The following FLG variants were observed in gnomAD, a reference collection of about 807,000 sequenced individuals.
FLG encodes filaggrin.
A neutral mutation model predicts 3.8 loss-of-function variants in FLG; 6 were observed. The ratio of observed to expected loss-of-function variants is 1.60; its 90% confidence interval spans 0.87 to 3.15. The LOEUF (loss-of-function observed/expected upper bound fraction) is 3.15. Ranked by LOEUF, FLG falls within the 30% of genes most tolerant of loss-of-function variation. The pLI is 0.00. For missense variants in FLG, 7,595 were observed against 5,050.9 expected, an observed-to-expected ratio of 1.50 and a Z score of -15.27; for synonymous variants, 2,551 against 1,931.6, an observed-to-expected ratio of 1.32 and a Z score of -8.41.
chr1:152,314,216 T>C lies in FLG; in HGVS notation c.670A>G (p.Thr224Ala), dbSNP rs1652678184. 6.2e-7 allele frequency: 1 copy of C among 1,613,804 alleles called. No individual in the cohort carries two copies. The highest frequency in any genetic ancestry group is 8.5e-7 in the Non-Finnish European group (1 of 1,179,984). ...TGGCCTGATTGTATCCATTTTTGAG[T>C]CATTCTTCCTGTATTTTCATAATCA... ...VYDYENTGRM[T>A]QKWIQSGHIA... Residue 224 changes from threonine (T) to alanine (A), a missense_variant, in exon 3 of 3, where the codon ACT becomes GCT. Physicochemically the swap from Thr to Ala is moderately conservative, Grantham distance 58. Coordinates refer to ENST00000368799, the MANE Select transcript of FLG (RefSeq NM_002016.2).
At position 152,309,215 on chromosome 1, in the gene FLG, G is replaced by C. The variant is rs36006086; in HGVS notation, c.5671C>G (p.Arg1891Gly). Residue 1891 changes from arginine (R) to glycine (G), a missense_variant, in exon 3 of 3, where the codon CGG becomes GGG. Physicochemically the swap from Arg to Gly is moderately radical, Grantham distance 125. Coordinates refer to ENST00000368799, the MANE Select transcript of FLG (RefSeq NM_002016.2). ...SGSRHHEASS[R>G]ADSSRHSQVG... ...TGCGAGTGTCTAGAGCTGTCGGCCC[G>C]AGAGGAAGCTTCATGGTGACGCGAC... 1.2e-6 allele frequency: 2 copies of C among 1,613,498 alleles called. No individual in the cohort carries two copies. The highest frequency in any genetic ancestry group is 2.2e-5 in the East Asian group (1 of 44,750).
rs1462355717 is a variant in FLG at position 152,303,717 on chromosome 1, G to T, written c.11169C>A (p.Ala3723=). 1.2e-6 allele frequency: 2 copies of T among 1,613,974 alleles called. No homozygotes were observed. The highest frequency in any genetic ancestry group is 3.3e-5 in the Admixed American group (2 of 60,006). ...QVSTHEQSES[A]HGRAGPSTGG... is the part of the protein sequence containing the mutation. ...CAGTACTGGGCCCAGCCCGTCCATG[G>T]GCAGACTCAGACTGTTCATGAGTGC... The change falls in exon 3 of 3, where the codon GCC becomes GCA. Residue 3723 remains alanine (A), a synonymous_variant. Coordinates refer to ENST00000368799, the MANE Select transcript of FLG (RefSeq NM_002016.2).
At position 152,303,275 on chromosome 1, in the gene FLG, C is replaced by T; in HGVS notation, c.11611G>A (p.Ala3871Thr). 3 of 1,614,068 alleles carry T rather than the reference C, an allele frequency of 1.9e-6. No individual in the cohort carries two copies. Among genetic ancestry groups the T allele is most frequent in the Non-Finnish European group, 2.5e-6 (3 of 1,180,020 alleles). The change falls in exon 3 of 3, where the codon GCA becomes ACA. Residue 3871 changes from alanine (A) to threonine (T), a missense_variant. By Grantham distance (58) the Ala-to-Thr change is moderately conservative. Transcript: ENST00000368799. ...CGCCTCTCAGAGTCCTCTGGGTATG[C>T]CTCACTGTCACTGTCCTGGCTAACA... is the stretch of plus-strand genomic sequence containing the variant. ...SSVSQDSDSEAYPEDSERRSE... is the reference protein window; with the variant it reads ...SSVSQDSDSETYPEDSERRSE...
rs1377710104 is a variant in FLG at position 152,310,660 on chromosome 1, G to T, written c.4226C>A (p.Ser1409Ter). Reference sequence around the variant, plus strand: ...CCCAGCTTGTCCGTGGGCTGACACTGACTGTGTGTCTGAGTCTTCTGAATG... The same window carrying T: ...CCCAGCTTGTCCGTGGGCTGACACTTACTGTGTGTCTGAGTCTTCTGAATG... ...EGHSEDSDTQ[S>*]VSAHGQAGPH... Residue 1409 changes from serine (S) to a stop codon, truncating the protein, a stop_gained, in exon 3 of 3, where the codon TCA (serine) becomes TAA (stop). Coordinates refer to ENST00000368799, the MANE Select transcript of FLG (RefSeq NM_002016.2). LOFTEE classifies it low-confidence loss of function (END_TRUNC). 6.2e-7 allele frequency: 1 copy of T among 1,614,048 alleles called. No individual in the cohort carries two copies. Among genetic ancestry groups the T allele is most frequent in the Admixed American group, 1.7e-5 (1 of 60,016 alleles).
At position 152,313,588 on chromosome 1, in the gene FLG, T is replaced by C; in HGVS notation, c.1298A>G (p.Asp433Gly). ...SDSEGHSENS[D>G]TQSVSGHGKA... ...TCCGTGGCCTGACACTGATTGTGTG[T>C]CTGAGTTTTCTGAATGTCCCTCACT... Residue 433 changes from aspartate (D) to glycine (G), a missense_variant, in exon 3 of 3, where the codon GAC (aspartate) becomes GGC (glycine). Coordinates refer to ENST00000368799, the MANE Select transcript of FLG (RefSeq NM_002016.2). 10 of 1,613,882 alleles carry C rather than the reference T, an allele frequency of 6.2e-6. No individual in the cohort carries two copies. The highest frequency in any genetic ancestry group is 8.5e-6 in the Non-Finnish European group (10 of 1,179,932).
In FLG at chr1:152,310,689, C is replaced by T; in HGVS notation, c.4197G>A (p.Glu1399=). The T allele has an allele frequency of 1.9e-6, 3 of 1,613,988 alleles. No individual in the cohort carries two copies. Among genetic ancestry groups the T allele is most frequent in the South Asian group, 2.2e-5 (2 of 91,068 alleles). The change falls in exon 3 of 3, where the codon GAG becomes GAA. Residue 1399 remains glutamate, a synonymous_variant. Coordinates refer to ENST00000368799, the MANE Select transcript of FLG (RefSeq NM_002016.2). ...GSSGSQVTNS[E]GHSEDSDTQS... is the part of the protein sequence containing the mutation. ...GTGTGTCTGAGTCTTCTGAATGTCCCTCACTGTTAGTGACCTGACTACCAC... is the reference window on the plus strand; with the variant it reads ...GTGTGTCTGAGTCTTCTGAATGTCCTTCACTGTTAGTGACCTGACTACCAC...
At position 152,309,252 on chromosome 1, in the gene FLG, G is replaced by C; in HGVS notation, c.5634C>G (p.Ser1878=). 3 of 1,613,768 alleles carry C rather than the reference G, an allele frequency of 1.9e-6. No homozygotes were observed. Among genetic ancestry groups the C allele is most frequent in the Non-Finnish European group, 2.5e-6 (3 of 1,179,960 alleles). The change falls in exon 3 of 3, where the codon TCC becomes TCG. Residue 1878 remains serine (S), a synonymous_variant. Coordinates refer to ENST00000368799, the MANE Select transcript of FLG (RefSeq NM_002016.2). ...TRNEKQSGDG[S]RHSGSRHHEA... ...CATGGTGACGCGACCCTGAGTGCCT[G>C]GAGCCGTCTCCTGATTGTTTCTCAT...
chr1:152,315,490 A>T lies in FLG; in HGVS notation c.-21-13T>A. On this transcript the variant is annotated splice_polypyrimidine_tract_variant and intron_variant, in intron 1 of 2. Coordinates refer to ENST00000368799, the MANE Select transcript of FLG (RefSeq NM_002016.2). ...AATAAATGTGAACCTAGAAAGAAGAAATGAAAATGCACTTTTTTATACATC... is the reference window on the plus strand; with the variant it reads ...AATAAATGTGAACCTAGAAAGAAGATATGAAAATGCACTTTTTTATACATC... The T allele has an allele frequency of 6.3e-7, 1 of 1,593,730 alleles. No homozygotes were observed. Among genetic ancestry groups the T allele is most frequent in the Non-Finnish European group, 8.6e-7 (1 of 1,169,072 alleles).
rs12750571 is a variant in FLG at position 152,310,577 on chromosome 1, G to A, written c.4309C>T (p.Arg1437Cys). The A allele has an allele frequency of 5.8e-3, 9,426 of 1,613,898 alleles. 66 individuals carry two copies. The highest frequency in any genetic ancestry group is 0.025 in the Middle Eastern group (152 of 6,062). ...ACCTGGTAGAGGAAAGACCTTGAAC[G>A]TCCAGAGCTTTCCCCTGACTGGCCA... ...ARGQSGESSGRSRSFLYQVSS... is the reference protein window; with the variant it reads ...ARGQSGESSGCSRSFLYQVSS... Residue 1437 changes from arginine to cysteine, a missense_variant, in exon 3 of 3, where the codon CGT (arginine) becomes TGT (cysteine). By Grantham distance (180) the Arg-to-Cys change is radical (BLOSUM62 -3). Coordinates refer to ENST00000368799, the MANE Select transcript of FLG (RefSeq NM_002016.2).
rs146768750 is a variant in FLG at position 152,307,486 on chromosome 1, C to A, written c.7400G>T (p.Gly2467Val). The change falls in exon 3 of 3, where the codon GGG becomes GTG. Residue 2467 changes from glycine to valine, a missense_variant. Transcript: ENST00000368799. ...EGQDTIHGHPGSSSGGRQGSH... is the reference protein window; with the variant it reads ...EGQDTIHGHPVSSSGGRQGSH... Reference sequence around the variant, plus strand: ...TCCCTGCCTTCCTCCACTGCTTGACCCCGGGTGTCCATGAATGGTGTCCTG... The same window carrying A: ...TCCCTGCCTTCCTCCACTGCTTGACACCGGGTGTCCATGAATGGTGTCCTG... 1 of 1,613,384 alleles carries A rather than the reference C, an allele frequency of 6.2e-7. No homozygotes were observed. The highest frequency in any genetic ancestry group is 1.1e-5 in the South Asian group (1 of 90,998).
chr1:152,303,070 G>A lies in FLG; in HGVS notation c.11816C>T (p.Ala3939Val), dbSNP rs200826810. The change falls in exon 3 of 3, where the codon GCG (alanine) becomes GTG (valine). Residue 3939 changes from alanine to valine, a missense_variant. Coordinates refer to ENST00000368799, the MANE Select transcript of FLG (RefSeq NM_002016.2). ...ACGTGACTGTATTCCTGAGTGATACGCAGAATCTTGTGAAAGACTACTAAA... is the reference window on the plus strand; with the variant it reads ...ACGTGACTGTATTCCTGAGTGATACACAGAATCTTGTGAAAGACTACTAAA... ...GHFSSLSQDS[A>V]YHSGIQSRGS... 8.1e-6 allele frequency: 13 copies of A among 1,614,130 alleles called. No individual in the cohort carries two copies. Among genetic ancestry groups the A allele is most frequent in the East Asian group, 2.2e-5 (1 of 44,880 alleles).
At position 152,314,731 on chromosome 1, in the gene FLG, T is replaced by A. The variant is rs753416194; in HGVS notation, c.155A>T (p.Asp52Val). 1.7e-5 allele frequency: 27 copies of A among 1,613,786 alleles called. No individual in the cohort carries two copies. The highest frequency in any genetic ancestry group is 2.7e-5 in the African/African-American group (2 of 74,934). Reference sequence around the variant, plus strand: ...GTGATCCATGAAGACATCAACCATATCTGGGTCATCTGGATTCTGTACAGA... The same window carrying A: ...GTGATCCATGAAGACATCAACCATAACTGGGTCATCTGGATTCTGTACAGA... The part of the protein sequence containing the change: ...RQILKNPDDP[D>V]MVDVFMDHLD... The change falls in exon 3 of 3, where the codon GAT becomes GTT. Residue 52 changes from aspartate to valine, a missense_variant. Asp to Val is a radical substitution (Grantham distance 152). Coordinates refer to ENST00000368799, the MANE Select transcript of FLG (RefSeq NM_002016.2).
chr1:152,311,260 C>T lies in FLG; in HGVS notation c.3626G>A (p.Gly1209Glu), dbSNP rs1652400982. The part of the protein sequence containing the change: ...TSQGRSDASH[G>E]QSGSRSASRQ... ...GCTTGCACTTCTGGATCCTGACTGC[C>T]CATGGGAGGCATCAGACCTTCCCTG... is the stretch of plus-strand genomic sequence containing the variant. Residue 1209 changes from glycine to glutamate, a missense_variant, in exon 3 of 3, where the codon GGG becomes GAG. Transcript: ENST00000368799. 6.2e-7 allele frequency: 1 copy of T among 1,613,624 alleles called. No individual in the cohort carries two copies. Among genetic ancestry groups the T allele is most frequent in the Non-Finnish European group, 8.5e-7 (1 of 1,179,940 alleles).
Position 152,307,217 on chromosome 1 carries a change from GC to G in FLG, c.7668del (p.Arg2558GlyfsTer42), listed in dbSNP as rs1557873884. Reference protein sequence around the residue: ...HSQVGQGQSEGPRTSRNWGSS... With the variant: ...HSQVGQGQSEXPRTSRNWGSS... ...GATCCCCAGTTCCTGCTTGTCCTGGGCCCCTCTGATTGTCCCTGGCCCACCT... is the reference window on the plus strand; with the variant it reads ...GATCCCCAGTTCCTGCTTGTCCTGGGCCCTCTGATTGTCCCTGGCCCACCT... On this transcript the variant is annotated frameshift_variant, in exon 3 of 3. Transcript: ENST00000368799. LOFTEE classifies it low-confidence loss of function (END_TRUNC). The G allele has an allele frequency of 6.2e-7, 1 of 1,612,402 alleles. No homozygotes were observed. Among genetic ancestry groups the G allele is most frequent in the Middle Eastern group, 1.7e-4 (1 of 6,060 alleles).
At position 152,307,609 on chromosome 1, in the gene FLG, G is replaced by T; in HGVS notation, c.7277C>A (p.Ser2426Tyr). The change falls in exon 3 of 3, where the codon TCC becomes TAC. Residue 2426 changes from serine (S) to tyrosine (Y), a missense_variant. By Grantham distance (144) the Ser-to-Tyr change is moderately radical (BLOSUM62 -2). Transcript: ENST00000368799. ...GCTGGTCCCGGTCCGTCCATGGGCGGACTCAGACTGTTCATGAGTGCTCAC... is the reference window on the plus strand; with the variant it reads ...GCTGGTCCCGGTCCGTCCATGGGCGTACTCAGACTGTTCATGAGTGCTCAC... ...YQVSTHEQSESAHGRTGTSTG... is the reference protein window; with the variant it reads ...YQVSTHEQSEYAHGRTGTSTG... 7 of 1,613,756 alleles carry T rather than the reference G, an allele frequency of 4.3e-6. No homozygotes were observed. Among genetic ancestry groups the T allele is most frequent in the South Asian group, 1.1e-5 (1 of 91,060 alleles).
rs1557877096 is a variant in FLG, at chr1:152,309,854, C to G, written c.5032G>C (p.Gly1678Arg). ...SSQEQARSSP[G>R]ERHGSRHQQS... ...TGGTGGCGGGATCCATGTCTTTCTC[C>G]TGGACTTGACCTTGCCTGTTCCTGG... The change falls in exon 3 of 3, where the codon GGA becomes CGA. Residue 1678 changes from glycine to arginine, a missense_variant. Transcript: ENST00000368799. The G allele has an allele frequency of 3.1e-6, 5 of 1,614,156 alleles. No homozygotes were observed. In the South Asian group the frequency reaches 4.4e-5, roughly 14 times the overall value.
rs1652745700 is a variant in FLG, at chr1:152,315,301, C to T, written c.138+18G>A. On this transcript the variant is annotated intron_variant, in intron 2 of 2. Coordinates refer to ENST00000368799, the MANE Select transcript of FLG (RefSeq NM_002016.2). ...GAAAAACAAATGCTCTATCTTTGGT[C>T]TTGTCAGAGACTCTTACCTTCAGGA... 1 of 1,612,234 alleles carries T rather than the reference C, an allele frequency of 6.2e-7. No individual in the cohort carries two copies. The highest frequency in any genetic ancestry group is 1.7e-5 in the Admixed American group (1 of 59,944).
At chr1:152,318,446 T>C (rs1422328390) in intron 1 of FLG, among the ~76,000 whole-genome samples, 1 of 151,888 alleles carries the variant, frequency 6.6e-6, no homozygotes, top group African/African-American at 2.4e-5. Context: ...CATGACACCA[T>C]ATTCTTCTGA....
In FLG at chr1:152,308,584, T is replaced by G. The variant is rs1400918476; in HGVS notation, c.6302A>C (p.Glu2101Ala). The change falls in exon 3 of 3, where the codon GAG (glutamate) becomes GCG (alanine). Residue 2101 changes from glutamate (E) to alanine (A), a missense_variant. Coordinates refer to ENST00000368799, the MANE Select transcript of FLG (RefSeq NM_002016.2). ...GGGCGCAGACTGTCCATGGGTGGAC[T>G]CAGACTGTTCATGAGTGCTCACCTG... ...LYQVSTHEQS[E>A]STHGQSAPST... The G allele has an allele frequency of 1.2e-6, 2 of 1,614,086 alleles. No individual in the cohort carries two copies. The highest frequency in any genetic ancestry group is 8.5e-7 in the Non-Finnish European group (1 of 1,180,004).
Sources: allele counts gnomAD v4.1 joint callset (sites outside exome capture counted in the v4.1 genomes callset), GRCh38; gene constraint gnomAD v4.1.1; transcripts MANE v1.5; gene names NCBI Gene and HGNC (gene_info 2026-07-23, HGNC 2026-07-21).